SLCO4A1: variants seen among roughly 807,000 people sequenced by gnomAD.
The protein encoded by SLCO4A1 is colon organic anion transporter.
Under a neutral mutation model 64.6 loss-of-function variants are expected in SLCO4A1, and 51 were observed. That is an observed-to-expected ratio of 0.79 (90% CI 0.63 to 1.00). The LOEUF (loss-of-function observed/expected upper bound fraction) is 1.00, where lower values mean the gene tolerates loss of function less well. SLCO4A1 is among the 50% of genes least tolerant of loss of function. The pLI, the probability that SLCO4A1 is intolerant of heterozygous loss-of-function variation, is 0.00. For synonymous variants in SLCO4A1, 471 were observed against 444.9 expected (o/e 1.06, Z -0.74); for missense variants, 919 against 980.5 (o/e 0.94, Z 0.84).
At position 62,657,214 on chromosome 20, in the gene SLCO4A1, G is replaced by A. The variant is rs1421791343; in HGVS notation, c.760G>A (p.Glu254Lys). Reference protein sequence around the residue: ...LYTLGVTYLDENVKSSCSPVY... With the variant: ...LYTLGVTYLDKNVKSSCSPVY... Reference sequence around the variant, plus strand: ...CACGCTGGGCGTCACCTACCTGGATGAGAACGTCAAGTCCAGCTGCTCGCC... The same window carrying A: ...CACGCTGGGCGTCACCTACCTGGATAAGAACGTCAAGTCCAGCTGCTCGCC... Residue 254 changes from glutamate to lysine, a missense_variant, in exon 2 of 12, where the codon GAG (glutamate) becomes AAG (lysine). By Grantham distance (56) the Glu-to-Lys change is moderately conservative. Coordinates refer to ENST00000217159, the MANE Select transcript of SLCO4A1 (RefSeq NM_016354.4). 1.3e-6 allele frequency: 2 copies of A among 1,542,248 alleles called. No homozygotes were observed. Among genetic ancestry groups the A allele is most frequent in the South Asian group, 1.2e-5 (1 of 84,034 alleles).
chr20:62,682,660 C>CA (rs1189132962), intron 2 of SLCO4A1, among the ~76,000 whole-genome samples: 1 of 152,112 alleles, frequency 6.6e-6, no homozygotes, highest in African/African-American at 2.4e-5. Context: ...CACACACACA[C>CA]ACACACACAC....
chr20:62,646,342 C>A (rs944912403), intron 1 of SLCO4A1, among the ~76,000 whole-genome samples: 5 of 152,332 alleles, frequency 3.3e-5, no homozygotes, highest in Non-Finnish European at 7.4e-5. Context: ...GGAAGCAGGC[C>A]CTGTGCCCAA....
Position 62,661,689 on chromosome 20 carries a change from C to G in SLCO4A1, c.1121+514C>G, listed in dbSNP as rs1309325600. Among the ~76,000 whole-genome samples the G allele has an allele frequency of 6.6e-6, 1 of 151,242 alleles. No individual in the cohort carries two copies. Among genetic ancestry groups the G allele is most frequent in the Non-Finnish European group, 1.5e-5 (1 of 67,736 alleles). ...CATCTCCCTCCCTCCCTCAGAGTCT[C>G]TGAGGACCTCCCCCCTCTACCCGGC... On this transcript the variant is annotated intron_variant, in intron 5 of 11. Transcript: ENST00000217159. This position sits in a 1 kb window ranked among gnomAD's most constrained non-coding sequence, Gnocchi z 5.2.
At chr20:62,667,454 T>C (rs982254360) in intron 7 of SLCO4A1, 7 of 439,312 alleles carry the variant, frequency 1.6e-5, no homozygotes, top group Non-Finnish European at 2.9e-5. Context: ...TCCATATGAA[T>C]GTGTTGCCTG....
At chr20:62,665,123 T>C in intron 6 of SLCO4A1, 35 bp downstream of exon 6, 1 of 1,582,308 alleles carries the variant, frequency 6.3e-7, no homozygotes, top group East Asian at 2.2e-5. Context: ...CCTCTGCTTT[T>C]ATGTCAGTTC....
chr20:62,664,665 T>C (rs933299068), intron 5 of SLCO4A1, among the ~76,000 whole-genome samples: 29 of 152,204 alleles, frequency 1.9e-4, no homozygotes, highest in African/African-American at 6.8e-4. Context: ...CCTGGGTTTC[T>C]CTGGAATAAG....
At chr20:62,669,557 C>T (rs889845262) in intron 11 of SLCO4A1, among the ~76,000 whole-genome samples, 1 of 152,186 alleles carries the variant, frequency 6.6e-6, no homozygotes, top group African/African-American at 2.4e-5. Context: ...GTCTGGCCCT[C>T]ATTTTTCAAG....
intron 2 of SLCO4A1, among the ~76,000 whole-genome samples, chr20:62,679,958 G>A (rs1302227448): frequency 1.3e-5 from 2 of 152,188 alleles, no homozygotes; most frequent in African/African-American, 2.4e-5. Flanking sequence ...CCCTCTACAC[G>A]AAACAGAGAG....
At chr20:62,675,820 C>T (rs1987565833), downstream of SLCO4A1, among the ~76,000 whole-genome samples, 1 of 152,230 alleles carries the variant, frequency 6.6e-6, no homozygotes, top group Non-Finnish European at 1.5e-5. Context: ...AGCCCCTGTC[C>T]TCCCACGTCC....
At chr20:62,658,626 G>A (rs774498427) in intron 2 of SLCO4A1, 51 bp from the exon 3 acceptor site, 35 of 1,482,868 alleles carry the variant, frequency 2.4e-5, no homozygotes, top group Admixed American at 3.8e-5. Context: ...ACGGCCCTCC[G>A]CAGCCCCTGG....
downstream of SLCO4A1, among the ~76,000 whole-genome samples, chr20:62,686,698 G>C (rs1323209539): frequency 6.6e-6 from 1 of 152,230 alleles, no homozygotes; most frequent in African/African-American, 2.4e-5. Context: ...TGGCCCTTTA[G>C]TCTGAATTAG....
chr20:62,664,881 C>T (rs1356404773), intron 5 of SLCO4A1, 53 bp from the exon 6 acceptor site: 6 of 1,526,960 alleles, frequency 3.9e-6, no homozygotes, highest in Non-Finnish European at 5.3e-6. Context: ...ACCCCGACCT[C>T]TGCCCACCAC....
chr20:62,659,233 A>C (rs1984331244), intron 3 of SLCO4A1, among the ~76,000 whole-genome samples: 1 of 152,168 alleles, frequency 6.6e-6, no homozygotes. Context: ...ACAGAGGGAC[A>C]GAAAGAAGAC....
Position 62,661,107 on chromosome 20 carries a change from G to T in SLCO4A1, c.1053G>T (p.Gln351His). The change falls in exon 5 of 12, where the codon CAG becomes CAT. Residue 351 changes from glutamine to histidine, a missense_variant. Transcript: ENST00000217159. This position sits in a 1 kb window ranked among gnomAD's most constrained non-coding sequence, Gnocchi z 5.2. The stretch of plus-strand genomic sequence containing the variant: ...TCATGAGAGCGGCGGAAATGCACCA[G>T]TTGAAGGACAGCAGCCGTGGGGAGG... ...YAVMRAAEMH[Q>H]LKDSSRGEAS... The T allele has an allele frequency of 6.8e-7, 1 of 1,470,186 alleles. No homozygotes were observed. The highest frequency in any genetic ancestry group is 9.2e-7 in the Non-Finnish European group (1 of 1,086,408). The allele number at this position is 1,470,186 out of a possible 1,614,324, so 91.1% of individuals were successfully genotyped here. A position where few individuals can be genotyped will look rare whatever the true frequency, so the allele number is the denominator to read the frequency against.
intron 1 of SLCO4A1, chr20:62,649,493 A>G (rs1982035640): frequency 6.6e-6 from 1 of 152,346 alleles, no homozygotes; most frequent in African/African-American, 2.4e-5. Flanking sequence ...CCCTGAGACC[A>G]TCGCACATAG....
intron 7 of SLCO4A1, 111 bp downstream of exon 7, chr20:62,666,686 A>G (rs1986409177): frequency 3.2e-6 from 3 of 945,244 alleles, no homozygotes; most frequent in Non-Finnish European, 4.9e-6. Flanking sequence ...GAAAAGGGCT[A>G]CGTCACAGGA....
chr20:62,666,308 C>T (rs1387296328), intron 6 of SLCO4A1, 72 bp from the exon 7 acceptor site: 48 of 1,395,794 alleles, frequency 3.4e-5, no homozygotes, highest in South Asian at 3.1e-4. Context: ...AAAGTGGACC[C>T]GGCTGATCCA....
chr20:62,656,592 C>T lies in SLCO4A1; in HGVS notation c.138C>T (p.Ser46=), dbSNP rs968540636. Residue 46 remains serine, a synonymous_variant, in exon 2 of 12, where the codon TCC becomes TCT. Transcript: ENST00000217159. ...GTPLSPGSLR[S]AAHSPLDTSK... is the part of the protein sequence containing the mutation. ...CCCTGAGCCCCGGCTCCCTCCGCTC[C>T]GCTGCCCATAGCCCCCTGGACACCA... is the stretch of plus-strand genomic sequence containing the variant. The T allele has an allele frequency of 6.3e-6, 10 of 1,595,848 alleles. No individual in the cohort carries two copies. The highest frequency in any genetic ancestry group is 6.0e-6 in the Non-Finnish European group (7 of 1,174,014).
chr20:62,675,999 G>A (rs572282777), downstream of SLCO4A1, among the ~76,000 whole-genome samples: 44 of 152,322 alleles, frequency 2.9e-4, no homozygotes, highest in African/African-American at 9.9e-4. Flanking sequence ...TGAGGGCTGC[G>A]GGGGCCTCCT....
Sources: allele counts gnomAD v4.1 joint callset (sites outside exome capture counted in the v4.1 genomes callset), GRCh38; gene constraint gnomAD v4.1.1; non-coding constraint Gnocchi (gnomAD v3.1); transcripts MANE v1.5; gene names NCBI Gene and HGNC (gene_info 2026-07-23, HGNC 2026-07-21).